Variants in VPS8 observed in about 807,000 individuals in gnomAD.
VPS8 encodes the protein VPS8 subunit of CORVET complex, also known as vacuolar protein sorting-associated protein 8 homolog.
VPS8 carries 129 observed loss-of-function variants against 216.4 expected under a neutral mutation model. The ratio of observed to expected loss-of-function variants is 0.60; its 90% CI spans 0.52 to 0.69. The LOEUF (loss-of-function observed/expected upper bound fraction) is 0.69, where lower values mean the gene tolerates loss of function less well. Among genes scored for constraint, VPS8 ranks in the 30% least tolerant of loss-of-function variants. The pLI is 0.00. For synonymous variants in VPS8, 571 were observed against 565.4 expected, an observed-to-expected ratio of 1.01 and a Z score of -0.14; for missense variants, 1,531 against 1,683.5, an observed-to-expected ratio of 0.91 and a Z score of 1.59.
At chr3:184,990,440 A>G (rs1751742441) in intron 42 of VPS8, among the ~76,000 whole-genome samples, 1 of 152,214 alleles carries the variant, frequency 6.6e-6, no homozygotes, top group South Asian at 2.1e-4. Flanking sequence ...GAAACATAGT[A>G]TATGCCCATT....
Position 184,976,457 on chromosome 3 carries a change from A to C in VPS8, c.3420+4705A>C, listed in dbSNP as rs537953939. 1.7e-4 allele frequency among the ~76,000 whole-genome samples: 26 copies of C among 151,142 alleles called. No individual in the cohort carries two copies. The South Asian group carries it at 5.4e-3, about 32-fold the overall frequency. On this transcript the variant is annotated intron_variant, in intron 40 of 47. Coordinates refer to ENST00000625842, the MANE Select transcript of VPS8 (RefSeq NM_001009921.3). ...TTATTTTAGAATCAGACAGTACATG[A>C]CTTTTTGTTGTGTCTCTGCCAGGTT... is the stretch of plus-strand genomic sequence containing the variant.
At chr3:185,033,914 T>C (rs1194522495) in intron 46 of VPS8, among the ~76,000 whole-genome samples, 5 of 152,240 alleles carry the variant, frequency 3.3e-5, no homozygotes, top group Admixed American at 1.3e-4. Context: ...ATGCTTATTT[T>C]CCATTTGTAT....
At chr3:184,874,118 C>T (rs1728829600) in intron 21 of VPS8, among the ~76,000 whole-genome samples, 2 of 151,288 alleles carry the variant, frequency 1.3e-5, no homozygotes, top group African/African-American at 2.4e-5. Flanking sequence ...CTGCTGACAT[C>T]CCCAGTGTGA....
intron 46 of VPS8, among the ~76,000 whole-genome samples, chr3:185,035,565 A>G (rs1448471128): frequency 6.6e-6 from 1 of 152,210 alleles, no homozygotes; most frequent in East Asian, 1.9e-4. Context: ...ACATCCCTTC[A>G]TGATAAAAAC....
intron 31 of VPS8, 98 bp from the exon 32 acceptor site, chr3:184,928,353 A>C (rs757345544): frequency 5.5e-5 from 63 of 1,145,528 alleles, no homozygotes; most frequent in Non-Finnish European, 7.4e-5. Flanking sequence ...AAGAATACAA[A>C]AGAAAAAAAT....
chr3:185,031,077 T>TG (rs1758085745), intron 46 of VPS8, among the ~76,000 whole-genome samples: 1 of 147,902 alleles, frequency 6.8e-6, no homozygotes, highest in Admixed American at 6.8e-5. Context: ...TTTTTTTTTT[T>TG]TTTTTTTTTT....
At chr3:184,924,283 A>G (rs1422637094) in intron 29 of VPS8, among the ~76,000 whole-genome samples, 1 of 152,172 alleles carries the variant, frequency 6.6e-6, no homozygotes. Flanking sequence ...TTGTTGATGG[A>G]CAGATTTTTA....
At chr3:184,939,554 CTTTT>C (rs71632037) in intron 35 of VPS8, among the ~76,000 whole-genome samples, 1 of 141,188 alleles carries the variant, frequency 7.1e-6, no homozygotes. Context: ...TTGCTGTCCT[CTTTT>C]TTTTTTTTTT....
rs1170895084 is a variant in VPS8 at position 184,936,298 on chromosome 3, T to A, written c.2951T>A (p.Phe984Tyr). ...CKAAELVATH[F>Y]SGHIETVIKK... ...GCTGCGGAGCTGGTTGCCACCCACT[T>A]TTCTGGACATATTGAAACGGTCATT... Residue 984 changes from phenylalanine (F) to tyrosine (Y), a missense_variant, in exon 35 of 48, where the codon TTT becomes TAT. Transcript: ENST00000625842. 1 of 1,612,030 alleles carries A rather than the reference T, an allele frequency of 6.2e-7. No homozygotes were observed. Among genetic ancestry groups the A allele is most frequent in the East Asian group, 2.2e-5 (1 of 44,832 alleles).
chr3:184,844,652 T>G (rs1310766397), intron 8 of VPS8, among the ~76,000 whole-genome samples: 22 of 152,212 alleles, frequency 1.4e-4, no homozygotes, highest in Admixed American at 1.4e-3. Flanking sequence ...GTTACAGACT[T>G]TGTACATTAT....
chr3:184,897,109 G>T (rs1319824169), intron 23 of VPS8, among the ~76,000 whole-genome samples: 3 of 152,162 alleles, frequency 2.0e-5, no homozygotes, highest in Admixed American at 2.0e-4. Context: ...TAAATGCTAT[G>T]AAAAATCATT....
At chr3:184,937,750 A>T (rs1244730867) in intron 35 of VPS8, among the ~76,000 whole-genome samples, 1 of 152,214 alleles carries the variant, frequency 6.6e-6, no homozygotes, top group Non-Finnish European at 1.5e-5. Context: ...GGCATAAAGC[A>T]GCATGCATGT....
chr3:184,849,533 C>T (rs748407131), intron 9 of VPS8: 4 of 247,154 alleles, frequency 1.6e-5, no homozygotes, highest in Admixed American at 5.3e-5. Context: ...TCCTGGATAA[C>T]GATTTTTGCA....
chr3:184,819,902 T>C (rs1273089337), intron 1 of VPS8, among the ~76,000 whole-genome samples: 1 of 152,202 alleles, frequency 6.6e-6, no homozygotes, highest in Non-Finnish European at 1.5e-5. Flanking sequence ...AGAAAAGATA[T>C]TAAGATTCTA....
In VPS8 at chr3:185,030,851, C is replaced by T. The variant is rs145116319; in HGVS notation, c.4056+6462C>T. Among the ~76,000 whole-genome samples the T allele has an allele frequency of 3.8e-3, 578 of 152,198 alleles. 3 individuals carry two copies. The highest frequency in any genetic ancestry group is 0.013 in the African/African-American group (557 of 41,512). On this transcript the variant is annotated intron_variant, in intron 46 of 47. Transcript: ENST00000625842. ...AATCATAGCTTACTGCAGCCTCAGA[C>T]TCCTGGGCTCAAGCGATTCTCCCAC...
chr3:185,022,872 A>G (rs1219690286), intron 45 of VPS8, among the ~76,000 whole-genome samples: 1 of 152,122 alleles, frequency 6.6e-6, no homozygotes, highest in African/African-American at 2.4e-5. Flanking sequence ...TAGTTCCCTA[A>G]ATTGGAAATT....
In VPS8 at chr3:184,925,964, G is replaced by A. The variant is rs146449831; in HGVS notation, c.2575-630G>A. Among the ~76,000 whole-genome samples, 705 of 150,742 alleles carry A rather than the reference G, an allele frequency of 4.7e-3. 7 individuals carry two copies. The highest frequency in any genetic ancestry group is 0.016 in the African/African-American group (662 of 41,202). On this transcript the variant is annotated intron_variant, in intron 30 of 47. Transcript: ENST00000625842. ...AATTTCTTGTATTTTTTGTAGAGATGGGGTTTCACCATGCTGGCCAGGCTG... is the reference window on the plus strand; with the variant it reads ...AATTTCTTGTATTTTTTGTAGAGATAGGGTTTCACCATGCTGGCCAGGCTG...
At chr3:184,866,813 TA>T in intron 16 of VPS8, 62 bp from the exon 17 acceptor site, 1 of 1,493,608 alleles carries the variant, frequency 6.7e-7, no homozygotes, top group Non-Finnish European at 9.2e-7. Flanking sequence ...GATGAAATGT[TA>T]AAAAATATAT....
intron 46 of VPS8, among the ~76,000 whole-genome samples, chr3:185,028,546 A>G (rs1301233561): frequency 6.6e-6 from 1 of 152,248 alleles, no homozygotes; most frequent in Admixed American, 6.5e-5. Context: ...GACTGAAAGC[A>G]GAAAGACCAA....
Sources: allele counts gnomAD v4.1 joint callset (sites outside exome capture counted in the v4.1 genomes callset), GRCh38; gene constraint gnomAD v4.1.1; transcripts MANE v1.5; gene names NCBI Gene and HGNC (gene_info 2026-07-23, HGNC 2026-07-21).